Variants in ABCB1 observed in about 807,000 individuals in gnomAD.
The protein encoded by ABCB1 is ATP-dependent translocase ABCB1.
In ABCB1, 69 loss-of-function variants were observed where a neutral mutation model predicts 142.0. That is an observed-to-expected ratio of 0.49 (90% CI 0.40 to 0.59). The LOEUF is 0.59. Among genes scored for constraint, ABCB1 ranks in the 20% least tolerant of loss-of-function variants. ABCB1 has a pLI of 0.00. For missense variants in ABCB1, 1,326 were observed against 1,554.7 expected, an observed-to-expected ratio of 0.85 and a Z score of 2.47; for synonymous variants, 532 against 539.2, an observed-to-expected ratio of 0.99 and a Z score of 0.18.
chr7:87,512,569 G>T (rs920301466), intron 25 of ABCB1, among the ~76,000 whole-genome samples: 6 of 152,088 alleles, frequency 3.9e-5, no homozygotes, highest in Non-Finnish European at 8.8e-5. Flanking sequence ...GACTTCAGGG[G>T]GTCCTTAGGG....
intron 1 of ABCB1, among the ~76,000 whole-genome samples, chr7:87,662,578 T>C (rs1390166532): frequency 6.6e-6 from 1 of 152,174 alleles, no homozygotes; most frequent in Non-Finnish European, 1.5e-5. Flanking sequence ...TATGGATTTA[T>C]GTCTGCATTC....
chr7:87,560,860 C>G (rs947337719), intron 8 of ABCB1, among the ~76,000 whole-genome samples: 1 of 151,996 alleles, frequency 6.6e-6, no homozygotes, highest in African/African-American at 2.4e-5. Flanking sequence ...TTTTTATCTT[C>G]CAAATCATGT....
In ABCB1 at chr7:87,628,861, G is replaced by C. The variant is rs1820882048; in HGVS notation, c.-330-27783C>G. ...AGCCTGGGGGGCCTGAGCGGGATCC[G>C]CGGCGGTGGCGGCGGAGGCGGCAAG... On this transcript the variant is annotated intron_variant, in intron 1 of 28. Transcript: ENST00000265724. The C allele has an allele frequency of 4.7e-6, 6 of 1,277,448 alleles. No individual in the cohort carries two copies. The highest frequency in any genetic ancestry group is 2.1e-4 in the Middle Eastern group (1 of 4,722). 79.1% of individuals were successfully genotyped at this position (1,277,448 alleles called of 1,614,324 possible). A position where few individuals can be genotyped will look rare whatever the true frequency, so the allele number is the denominator to read the frequency against.
intron 1 of ABCB1, among the ~76,000 whole-genome samples, chr7:87,701,643 T>C (rs1346740390): frequency 6.6e-6 from 1 of 152,192 alleles, no homozygotes; most frequent in African/African-American, 2.4e-5. Flanking sequence ...AAACTTACCA[T>C]TTAGTGAGTT....
chr7:87,698,491 G>A (rs559846558), intron 1 of ABCB1, among the ~76,000 whole-genome samples: 68 of 152,280 alleles, frequency 4.5e-4, no homozygotes, highest in Non-Finnish European at 7.9e-4. Context: ...AAATATATTT[G>A]TGCAAAATAT....
intron 4 of ABCB1, among the ~76,000 whole-genome samples, chr7:87,579,282 G>A (rs1047761176): frequency 2.0e-5 from 3 of 152,056 alleles, no homozygotes; most frequent in South Asian, 4.1e-4. Context: ...GTGAAAGTGA[G>A]CATCCTTGTC....
intron 1 of ABCB1, among the ~76,000 whole-genome samples, chr7:87,688,124 C>T (rs974184087): frequency 2.6e-5 from 4 of 152,058 alleles, no homozygotes; most frequent in Admixed American, 2.6e-4. Context: ...CTGAGAAACA[C>T]CCTTTTAAGT....
intron 2 of ABCB1, 75 bp from the exon 3 acceptor site, chr7:87,595,889 T>C (rs1017175655): frequency 1.4e-5 from 17 of 1,181,080 alleles, no homozygotes; most frequent in Non-Finnish European, 2.0e-5. Context: ...TAACATAGAA[T>C]GTATATTTAA....
intron 2 of ABCB1, among the ~76,000 whole-genome samples, chr7:87,596,919 G>A (rs1819233385): frequency 6.6e-6 from 1 of 152,042 alleles, no homozygotes; most frequent in Non-Finnish European, 1.5e-5. Flanking sequence ...TTGAGTTTTA[G>A]CTCTAAGCCT....
intron 1 of ABCB1, among the ~76,000 whole-genome samples, chr7:87,661,640 T>C: frequency 6.6e-6 from 1 of 152,084 alleles, no homozygotes; most frequent in East Asian, 1.9e-4. Context: ...TGTGTATATT[T>C]ACCACATTTT....
At chr7:87,681,652 A>C (rs192049776) in intron 1 of ABCB1, among the ~76,000 whole-genome samples, 3 of 150,584 alleles carry the variant, frequency 2.0e-5, no homozygotes, top group Admixed American at 1.3e-4. Context: ...TCTTGCCTCA[A>C]TATTGATGGC....
intron 2 of ABCB1, among the ~76,000 whole-genome samples, chr7:87,598,232 T>C (rs1401727124): frequency 6.6e-6 from 1 of 152,224 alleles, no homozygotes; most frequent in African/African-American, 2.4e-5. Flanking sequence ...ATTTTCATTT[T>C]TTACTGTTGC....
chr7:87,542,007 A>AT (rs1816560647), intron 17 of ABCB1, among the ~76,000 whole-genome samples: 1 of 152,092 alleles, frequency 6.6e-6, no homozygotes, highest in African/African-American at 2.4e-5. Flanking sequence ...CATACCTGAA[A>AT]TTTTTTCCAG....
chr7:87,626,258 TGTGTCATATATG>T (rs1820504297), intron 1 of ABCB1, among the ~76,000 whole-genome samples: 1 of 82,368 alleles, frequency 1.2e-5, no homozygotes, highest in Non-Finnish European at 2.3e-5. Flanking sequence ...GTCATATATA[TGTGTCATATATG>T]TGTCATATAT....
intron 1 of ABCB1, among the ~76,000 whole-genome samples, chr7:87,617,669 A>G (rs775764225): frequency 6.6e-6 from 1 of 152,164 alleles, no homozygotes; most frequent in African/African-American, 2.4e-5. Flanking sequence ...TTGCATTCGG[A>G]GTGCTGTGAA....
chr7:87,663,130 T>C (rs1824880062), intron 1 of ABCB1, among the ~76,000 whole-genome samples: 1 of 152,126 alleles, frequency 6.6e-6, no homozygotes, highest in South Asian at 2.1e-4. Flanking sequence ...TCAGTTCTAA[T>C]GGCTTTTTGG....
chr7:87,581,968 T>A (rs1454650944), intron 4 of ABCB1, among the ~76,000 whole-genome samples: 2 of 152,152 alleles, frequency 1.3e-5, no homozygotes, highest in Non-Finnish European at 2.9e-5. Context: ...ACAGAGCATG[T>A]TTGCCCTCAT....
chr7:87,541,296 C>T, intron 18 of ABCB1, 61 bp downstream of exon 18: 1 of 1,117,174 alleles, frequency 9.0e-7, no homozygotes, highest in Non-Finnish European at 1.4e-6. Flanking sequence ...GTTTATAAAT[C>T]CCCCCAGTTG....
upstream of ABCB1, among the ~76,000 whole-genome samples, chr7:87,604,597 T>C (rs1048998031): frequency 8.5e-5 from 13 of 152,056 alleles, no homozygotes; most frequent in Non-Finnish European, 1.9e-4. Flanking sequence ...TTGGATTACA[T>C]CAGATTGCTT....
Sources: gnomAD v4.1 joint callset for allele counts (sites outside exome capture counted in the v4.1 genomes callset) on GRCh38, gnomAD v4.1.1 for gene constraint, MANE v1.5 for transcripts, NCBI Gene and HGNC (gene_info 2026-07-23, HGNC 2026-07-21) for gene names.